The following THEMIS variants were observed in gnomAD, a reference collection of about 807,000 sequenced individuals.
THEMIS encodes thymocyte selection associated, also known as protein THEMIS.
Under a neutral mutation model 52.6 loss-of-function variants are expected in THEMIS, and 37 were observed. That is an observed-to-expected ratio of 0.70 (90% CI 0.54 to 0.93). The LOEUF is 0.93. THEMIS is among the 40% of genes least tolerant of loss of function. The pLI, the probability that THEMIS is intolerant of heterozygous loss-of-function variation, is 0.00. For missense variants in THEMIS, 808 were observed against 763.1 expected, an observed-to-expected ratio of 1.06 and a Z score of -0.69; for synonymous variants, 292 against 272.7, an observed-to-expected ratio of 1.07 and a Z score of -0.70.
intron 1 of THEMIS, among the ~76,000 whole-genome samples, chr6:127,890,737 T>C (rs1001995114): frequency 6.6e-6 from 1 of 152,118 alleles, no homozygotes; most frequent in African/African-American, 2.4e-5. Flanking sequence ...AAAAACTAGC[T>C]AGTTGTTACA....
chr6:127,703,184 A>T (rs1042059345), downstream of THEMIS, among the ~76,000 whole-genome samples: 2 of 149,726 alleles, frequency 1.3e-5, no homozygotes, highest in African/African-American at 4.9e-5. Context: ...AGTAGCTGGG[A>T]CTACAGGCGC....
chr6:127,781,197 T>C (rs149603084), intron 4 of THEMIS, among the ~76,000 whole-genome samples: 1,793 of 151,984 alleles, frequency 0.012, 25 homozygotes, highest in African/African-American at 0.04. Context: ...TATTGATACT[T>C]GTGTATGCTT....
intron 4 of THEMIS, among the ~76,000 whole-genome samples, chr6:127,788,714 T>C (rs1777058753): frequency 6.6e-6 from 1 of 152,144 alleles, no homozygotes; most frequent in African/African-American, 2.4e-5. Context: ...AAAGAGGCAA[T>C]ACATTATTAC....
chr6:127,814,869 T>C (rs113035365), intron 3 of THEMIS, among the ~76,000 whole-genome samples: 18 of 152,168 alleles, frequency 1.2e-4, no homozygotes, highest in African/African-American at 4.1e-4. Flanking sequence ...AATAAACTTA[T>C]GTATTGGCCA....
At chr6:127,830,585 C>G (rs1348352064) in intron 2 of THEMIS, among the ~76,000 whole-genome samples, 1 of 151,774 alleles carries the variant, frequency 6.6e-6, no homozygotes, top group African/African-American at 2.4e-5. Context: ...ACTTGGGAGG[C>G]TGAGGTGACA....
intron 4 of THEMIS, among the ~76,000 whole-genome samples, chr6:127,751,399 A>G (rs1369014707): frequency 6.6e-6 from 1 of 151,692 alleles, no homozygotes. Flanking sequence ...ATCTTACTAT[A>G]AAAATAATCA....
At chr6:127,743,453 T>C (rs537166098) in intron 4 of THEMIS, among the ~76,000 whole-genome samples, 10 of 152,048 alleles carry the variant, frequency 6.6e-5, no homozygotes, top group African/African-American at 2.4e-4. Flanking sequence ...TTAAGGGGAG[T>C]AAGAGAATGA....
chr6:127,863,659 C>T (rs1166902048), intron 1 of THEMIS, among the ~76,000 whole-genome samples: 2 of 152,146 alleles, frequency 1.3e-5, no homozygotes, highest in South Asian at 2.1e-4. Flanking sequence ...GGAACCACAA[C>T]TTACATGGAT....
chr6:127,730,392 A>AAAGG (rs200727853), intron 4 of THEMIS, among the ~76,000 whole-genome samples: 1 of 150,046 alleles, frequency 6.7e-6, no homozygotes, highest in Non-Finnish European at 1.5e-5. Flanking sequence ...GAAAGAAAGA[A>AAAGG]AAGGAAGGAA....
chr6:127,830,517 C>A (rs1268626644), intron 2 of THEMIS, among the ~76,000 whole-genome samples: 3 of 151,786 alleles, frequency 2.0e-5, no homozygotes, highest in African/African-American at 7.3e-5. Context: ...AAAACCCCAT[C>A]TACACAAAGA....
intron 2 of THEMIS, among the ~76,000 whole-genome samples, chr6:127,835,368 C>A (rs1262761019): frequency 6.6e-6 from 1 of 152,146 alleles, no homozygotes; most frequent in Admixed American, 6.5e-5. Flanking sequence ...ATTCTGGCCT[C>A]AGCCCCTTCC....
chr6:127,728,424 T>C (rs1182390378), intron 4 of THEMIS, among the ~76,000 whole-genome samples: 1 of 152,220 alleles, frequency 6.6e-6, no homozygotes, highest in Non-Finnish European at 1.5e-5. Context: ...AAGCAACTTC[T>C]TTCTTACTAT....
chr6:127,793,703 A>AT (rs1457345295), intron 4 of THEMIS, among the ~76,000 whole-genome samples: 13 of 152,104 alleles, frequency 8.5e-5, no homozygotes, highest in East Asian at 1.9e-4. Flanking sequence ...ACTCAACTGA[A>AT]TTTTTTTGTT....
intron 5 of THEMIS, among the ~76,000 whole-genome samples, chr6:127,712,540 T>C (rs944334935): frequency 6.6e-6 from 1 of 151,960 alleles, no homozygotes; most frequent in Admixed American, 6.6e-5. Flanking sequence ...CTTTTGGAAA[T>C]GTCACAAGTT....
At chr6:127,776,920 G>A (rs552200745) in intron 4 of THEMIS, among the ~76,000 whole-genome samples, 12 of 151,888 alleles carry the variant, frequency 7.9e-5, no homozygotes, top group Middle Eastern at 3.2e-3. Context: ...TAAAATTTCC[G>A]CCTTTATATC....
At chr6:127,887,100 G>A (rs574751681) in intron 1 of THEMIS, among the ~76,000 whole-genome samples, 100 of 150,674 alleles carry the variant, frequency 6.6e-4, no homozygotes, top group Non-Finnish European at 9.2e-4. Context: ...AAGCCACAAA[G>A]GAAAGAAAAT....
intron 2 of THEMIS, among the ~76,000 whole-genome samples, chr6:127,830,619 G>A (rs980577189): frequency 6.6e-6 from 1 of 152,034 alleles, no homozygotes; most frequent in African/African-American, 2.4e-5. Flanking sequence ...TCAGGAGGTA[G>A]AGGTTGTAGT....
chr6:127,779,910 C>T (rs943865352), intron 4 of THEMIS, among the ~76,000 whole-genome samples: 2 of 152,094 alleles, frequency 1.3e-5, no homozygotes, highest in African/African-American at 2.4e-5. Flanking sequence ...TATATTTCTT[C>T]CATAACTTTT....
intron 4 of THEMIS, among the ~76,000 whole-genome samples, chr6:127,785,171 ATTGT>A: frequency 5.9e-5 from 9 of 151,342 alleles, no homozygotes; most frequent in Non-Finnish European, 5.9e-5. Context: ...CTACCTACCT[ATTGT>A]CTACCTACCT....
Sources: gnomAD v4.1 joint callset for allele counts (sites outside exome capture counted in the v4.1 genomes callset) on GRCh38, gnomAD v4.1.1 for gene constraint, MANE v1.5 for transcripts, NCBI Gene and HGNC (gene_info 2026-07-23, HGNC 2026-07-21) for gene names.